Variants in SSTR5 observed in about 807,000 individuals in gnomAD.
SSTR5 encodes somatostatin receptor type 5.
Under a neutral mutation model 0.3 loss-of-function variants are expected in SSTR5, and 1 was observed. That is an observed-to-expected ratio of 2.98 (90% CI 1.06 to 14.15). SSTR5 has a LOEUF of 14.15. Among genes scored for constraint, SSTR5 ranks in the 30% most tolerant of loss-of-function variants. SSTR5 has a pLI of 0.12. For synonymous variants in SSTR5, 256 were observed against 263.1 expected, an observed-to-expected ratio of 0.97 and a Z score of 0.26; for missense variants, 516 against 543.2, an observed-to-expected ratio of 0.95 and a Z score of 0.50.
At position 1,080,921 on chromosome 16, in the gene SSTR5, C is replaced by G. The variant is rs1456971674; in HGVS notation, c.*958C>G. 2.5e-6 allele frequency: 1 copy of G among 407,892 alleles called. No individual in the cohort carries two copies. Among genetic ancestry groups the G allele is most frequent in the Non-Finnish European group, 5.2e-6 (1 of 193,680 alleles). 25.3% of individuals were successfully genotyped at this position (407,892 alleles called of 1,614,324 possible). Reference sequence around the variant, plus strand: ...TCTCTTCTGCTTTGGGGCAGGGGCTCTGGCCCGGGAGAGGGAACGGGGACA... The same window carrying G: ...TCTCTTCTGCTTTGGGGCAGGGGCTGTGGCCCGGGAGAGGGAACGGGGACA... On this transcript the variant is annotated 3_prime_UTR_variant, in exon 2 of 2. Coordinates refer to ENST00000689027, the MANE Select transcript of SSTR5 (RefSeq NM_001172560.3).
At chr16:1,075,847 C>T (rs1355082929) in intron 1 of SSTR5, among the ~76,000 whole-genome samples, 4 of 146,742 alleles carry the variant, frequency 2.7e-5, no homozygotes, top group Admixed American at 1.3e-4. Flanking sequence ...TCTTCCCCTC[C>T]CTCTCCCTCT....
At chr16:1,074,349 C>T (rs1027765314) in intron 1 of SSTR5, among the ~76,000 whole-genome samples, 10 of 152,224 alleles carry the variant, frequency 6.6e-5, no homozygotes, top group Non-Finnish European at 1.3e-4. Context: ...GCTGCCTCCC[C>T]GAGCAGCAGG....
chr16:1,079,190 G>C lies in SSTR5; in HGVS notation c.322G>C (p.Gly108Arg). Residue 108 changes from glycine to arginine, a missense_variant, in exon 2 of 2, where the codon GGC becomes CGC. By Grantham distance (125) the Gly-to-Arg change is moderately radical. Transcript: ENST00000689027. ...GAACGCCGCGTCCTTCTGGCCCTTC[G>C]GCCCCGTCCTGTGCCGCCTGGTCAT... is the stretch of plus-strand genomic sequence containing the variant. Reference protein sequence around the residue: ...TQNAASFWPFGPVLCRLVMTL... With the variant: ...TQNAASFWPFRPVLCRLVMTL... 3.1e-6 allele frequency: 5 copies of C among 1,612,562 alleles called. No individual in the cohort carries two copies. Among genetic ancestry groups the C allele is most frequent in the Non-Finnish European group, 4.2e-6 (5 of 1,179,932 alleles).
chr16:1,079,905 C>T lies in SSTR5; in HGVS notation c.1037C>T (p.Ala346Val), dbSNP rs766481485. 2.6e-5 allele frequency: 41 copies of T among 1,606,924 alleles called. No homozygotes were observed. The highest frequency in any genetic ancestry group is 3.5e-5 in the Non-Finnish European group (41 of 1,177,674). ...GACAGGATCCGGCAGCAGCAGGAGG[C>T]CACGCCACCCGCGCACCGCGCCGCA... ...RPDRIRQQQE[A>V]TPPAHRAAAN... The change falls in exon 2 of 2, where the codon GCC becomes GTC. Residue 346 changes from alanine to valine, a missense_variant. Coordinates refer to ENST00000689027, the MANE Select transcript of SSTR5 (RefSeq NM_001172560.3).
At position 1,079,685 on chromosome 16, in the gene SSTR5, G is replaced by T. The variant is rs138864924; in HGVS notation, c.817G>T (p.Ala273Ser). Residue 273 changes from alanine (A) to serine (S), a missense_variant, in exon 2 of 2, where the codon GCC (alanine) becomes TCC (serine). By Grantham distance (99) the Ala-to-Ser change is moderately conservative. Transcript: ENST00000689027. ...PFFTVNIVNL[A>S]VALPQEPASA... ...CTTCACCGTCAACATCGTCAACCTG[G>T]CCGTGGCGCTGCCCCAGGAGCCCGC... 1.3e-5 allele frequency: 21 copies of T among 1,612,324 alleles called. No homozygotes were observed. In the African/African-American group the frequency reaches 2.8e-4, roughly 22 times the overall value.
In SSTR5 at chr16:1,080,544, G is replaced by C. The variant is rs563407249; in HGVS notation, c.*581G>C. ...AGGGGAGTGTGGCTGGGCAGCCCCT[G>C]GTCAGCCAGGGTCACGCCTGTCCTG... On this transcript the variant is annotated 3_prime_UTR_variant, in exon 2 of 2. Coordinates refer to ENST00000689027, the MANE Select transcript of SSTR5 (RefSeq NM_001172560.3). Among the ~76,000 whole-genome samples, 1 of 152,228 alleles carries C rather than the reference G, an allele frequency of 6.6e-6. No homozygotes were observed. Among genetic ancestry groups the C allele is most frequent in the African/African-American group, 2.4e-5 (1 of 41,472 alleles).
intron 1 of SSTR5, among the ~76,000 whole-genome samples, chr16:1,075,499 G>C (rs929466158): frequency 2.0e-5 from 3 of 152,114 alleles, no homozygotes; most frequent in Non-Finnish European, 4.4e-5. Context: ...AGGCATTTGG[G>C]AACCACACGT....
Position 1,079,277 on chromosome 16 carries a change from C to A in SSTR5, c.409C>A (p.Arg137Ser), listed in dbSNP as rs142539751. The A allele has an allele frequency of 6.2e-7, 1 of 1,611,960 alleles. No homozygotes were observed. Among genetic ancestry groups the A allele is most frequent in the Non-Finnish European group, 8.5e-7 (1 of 1,179,676 alleles). ...CTGCCTGACAGTCATGAGCGTGGAC[C>A]GCTACCTGGCAGTGGTGCACCCGCT... ...VFCLTVMSVD[R>S]YLAVVHPLSS... Residue 137 changes from arginine (R) to serine (S), a missense_variant, in exon 2 of 2, where the codon CGC (arginine) becomes AGC (serine). Physicochemically the swap from Arg to Ser is moderately radical, Grantham distance 110. Coordinates refer to ENST00000689027, the MANE Select transcript of SSTR5 (RefSeq NM_001172560.3).
At chr16:1,078,793 G>A in intron 1 of SSTR5, 49 bp from the exon 2 acceptor site, 1 of 1,541,036 alleles carries the variant, frequency 6.5e-7, no homozygotes, top group Middle Eastern at 1.9e-4. Flanking sequence ...GCCTGCATGT[G>A]CTGGTTCAGG....
At chr16:1,078,034 AG>A (rs1296210679) in intron 1 of SSTR5, 2 of 151,330 alleles carry the variant, frequency 1.3e-5, no homozygotes, top group Non-Finnish European at 2.9e-5. Flanking sequence ...TCCGGGCTGC[AG>A]GGTGTGCAGC....
chr16:1,076,865 A>G lies in SSTR5; in HGVS notation c.-27-1977A>G, dbSNP rs77756194. Among the ~76,000 whole-genome samples the G allele has an allele frequency of 6.2e-3, 949 of 152,312 alleles. 15 individuals carry two copies. Among genetic ancestry groups the G allele is most frequent in the African/African-American group, 0.022 (915 of 41,574 alleles). Reference sequence around the variant, plus strand: ...TCCATGCTGTCTCTGTGGATCCTGCACATATTTAAACATAGCCTAAGCGTA... The same window carrying G: ...TCCATGCTGTCTCTGTGGATCCTGCGCATATTTAAACATAGCCTAAGCGTA... On this transcript the variant is annotated intron_variant, in intron 1 of 1. Coordinates refer to ENST00000689027, the MANE Select transcript of SSTR5 (RefSeq NM_001172560.3).
Position 1,078,633 on chromosome 16 carries a change from G to A in SSTR5, c.-27-209G>A, listed in dbSNP as rs575328491. 3.9e-4 allele frequency: 237 copies of A among 600,324 alleles called. 4 individuals are homozygous for A. The South Asian group carries it at 4.6e-3, about 12-fold the overall frequency. 37.2% of individuals were successfully genotyped at this position (600,324 alleles called of 1,614,324 possible). On this transcript the variant is annotated intron_variant, in intron 1 of 1. Transcript: ENST00000689027. ...GCAGCCGTCCGTCTGGGCTCCCGGG[G>A]CCACCTGCCCGCCGCTCCTTCCTCT...
In SSTR5 at chr16:1,080,053, A is replaced by G; in HGVS notation, c.*90A>G. ...CCCCACCCATGACCTGCCAGTCAGG[A>G]TGCTCCCCGGCGGTGGTGTGAGGAC... On this transcript the variant is annotated 3_prime_UTR_variant, in exon 2 of 2. Transcript: ENST00000689027. 6.9e-7 allele frequency: 1 copy of G among 1,457,860 alleles called. No individual in the cohort carries two copies. The highest frequency in any genetic ancestry group is 2.5e-5 in the East Asian group (1 of 40,432). 90.3% of individuals were successfully genotyped at this position (1,457,860 alleles called of 1,614,324 possible).
At chr16:1,076,578 A>G (rs950795170) in intron 1 of SSTR5, among the ~76,000 whole-genome samples, 5 of 151,352 alleles carry the variant, frequency 3.3e-5, no homozygotes, top group Admixed American at 6.6e-5. Flanking sequence ...GAGCCCAGCC[A>G]TGCTCTCCCC....
rs769126785 is a variant in SSTR5, at chr16:1,078,964, G to A, written c.96G>A (p.Pro32=). The change falls in exon 2 of 2, where the codon CCG becomes CCA. Residue 32 remains proline (P), a synonymous_variant. Transcript: ENST00000689027. ...GGGDNRTLVG[P]APSAGARAVL... is the part of the protein sequence containing the mutation. Reference sequence around the variant, plus strand: ...GTGACAACAGGACGCTGGTGGGGCCGGCGCCCTCGGCAGGGGCCCGGGCGG... The same window carrying A: ...GTGACAACAGGACGCTGGTGGGGCCAGCGCCCTCGGCAGGGGCCCGGGCGG... The A allele has an allele frequency of 2.3e-5, 37 of 1,591,696 alleles. No homozygotes were observed. The Admixed American group carries it at 3.7e-4, about 16-fold the overall frequency.
At chr16:1,073,077 C>G (rs1293149290) in intron 1 of SSTR5, 1 of 152,498 alleles carries the variant, frequency 6.6e-6, no homozygotes, top group East Asian at 1.9e-4. Flanking sequence ...GCCCCCACCC[C>G]ACAACTCACC....
rs540162038 is a variant in SSTR5, at chr16:1,079,088, G to A, written c.220G>A (p.Val74Ile). 47 of 1,612,616 alleles carry A rather than the reference G, an allele frequency of 2.9e-5. No homozygotes were observed. The highest frequency in any genetic ancestry group is 6.7e-5 in the East Asian group (3 of 44,872). The change falls in exon 2 of 2, where the codon GTC (valine) becomes ATC (isoleucine). Residue 74 changes from valine (V) to isoleucine (I), a missense_variant. Physicochemically the swap from Val to Ile is conservative, Grantham distance 29 (BLOSUM62 3). Transcript: ENST00000689027. ...GCTGCGCTTCGCCAAGATGAAGACC[G>A]TCACCAACATCTACATTCTCAACCT... ...VVLRFAKMKT[V>I]TNIYILNLAV...
rs1025100150 is a variant in SSTR5, at chr16:1,079,692, C to T, written c.824C>T (p.Ala275Val). ...FTVNIVNLAV[A>V]LPQEPASAGL... ...GTCAACATCGTCAACCTGGCCGTGG[C>T]GCTGCCCCAGGAGCCCGCCTCCGCC... The change falls in exon 2 of 2, where the codon GCG (alanine) becomes GTG (valine). Residue 275 changes from alanine (A) to valine (V), a missense_variant. Coordinates refer to ENST00000689027, the MANE Select transcript of SSTR5 (RefSeq NM_001172560.3). The T allele has an allele frequency of 2.5e-6, 4 of 1,612,290 alleles. No individual in the cohort carries two copies. The highest frequency in any genetic ancestry group is 1.7e-5 in the Admixed American group (1 of 60,018).
At chr16:1,076,886 GCGTAC>G (rs567299271) in intron 1 of SSTR5, among the ~76,000 whole-genome samples, 44 of 152,232 alleles carry the variant, frequency 2.9e-4, no homozygotes, top group African/African-American at 1.0e-3. Flanking sequence ...CATAGCCTAA[GCGTAC>G]CTGTTTGCTC....
Sources: gnomAD v4.1 joint callset for allele counts (sites outside exome capture counted in the v4.1 genomes callset) on GRCh38, gnomAD v4.1.1 for gene constraint, MANE v1.5 for transcripts, NCBI Gene and HGNC (gene_info 2026-07-23, HGNC 2026-07-21) for gene names.